ZNF609: variants seen among roughly 807,000 people sequenced by gnomAD.
ZNF609 encodes the protein zinc finger protein 609.
In ZNF609, 11 loss-of-function variants were observed where a neutral mutation model predicts 109.5. The ratio of observed to expected loss-of-function variants is 0.10; its 90% CI spans 0.06 to 0.17. The LOEUF is 0.17. ZNF609 is among the 10% of genes least tolerant of loss of function. ZNF609 has a pLI of 1.00. For missense variants in ZNF609, 1,559 were observed against 1,772.4 expected (o/e 0.88, Z 2.16); for synonymous variants, 646 against 662.0 (o/e 0.98, Z 0.37).
intron 3 of ZNF609, among the ~76,000 whole-genome samples, chr15:64,668,126 G>C (rs1896677068): frequency 6.6e-6 from 1 of 152,106 alleles, no homozygotes; most frequent in Non-Finnish European, 1.5e-5. Flanking sequence ...AGAGAAAGGG[G>C]AAAAAGTAAT....
intron 3 of ZNF609, among the ~76,000 whole-genome samples, chr15:64,651,664 G>A (rs1231931644): frequency 6.6e-6 from 1 of 152,180 alleles, no homozygotes; most frequent in Non-Finnish European, 1.5e-5. Flanking sequence ...GTATCAGAGG[G>A]CAAACACTGT....
At chr15:64,656,932 C>A (rs188038646) in intron 3 of ZNF609, among the ~76,000 whole-genome samples, 1 of 152,248 alleles carries the variant, frequency 6.6e-6, no homozygotes, top group East Asian at 1.9e-4. Flanking sequence ...TGTTTTGAAT[C>A]TTCAGTAGCA....
chr15:64,670,623 A>G (rs1896711564), intron 4 of ZNF609, among the ~76,000 whole-genome samples, 190 bp downstream of exon 4: 1 of 152,194 alleles, frequency 6.6e-6, no homozygotes, highest in South Asian at 2.1e-4. Context: ...TCACGCCTGT[A>G]ATCCCAGCAC....
intron 2 of ZNF609, among the ~76,000 whole-genome samples, chr15:64,522,039 T>G (rs966416960): frequency 1.3e-5 from 2 of 152,206 alleles, no homozygotes; most frequent in Admixed American, 1.3e-4. Context: ...CAAAAGCCTA[T>G]TATGTCAGAG....
chr15:64,542,643 A>G (rs1894284657), intron 2 of ZNF609, among the ~76,000 whole-genome samples: 1 of 152,214 alleles, frequency 6.6e-6, no homozygotes, highest in Non-Finnish European at 1.5e-5. Context: ...TAATGCACCA[A>G]CCACTCAAAT....
chr15:64,483,252 C>T lies in ZNF609; in HGVS notation c.-127-16041C>T, dbSNP rs560171756. 1.7e-4 allele frequency among the ~76,000 whole-genome samples: 26 copies of T among 152,242 alleles called. 1 individual carries two copies. The South Asian group carries it at 4.8e-3, about 28-fold the overall frequency. On this transcript the variant is annotated intron_variant, in intron 1 of 9. Transcript: ENST00000326648. ...CTGGAATTACAGGCATGTGCCACCA[C>T]GCTCAGCTAATTTTGTATTTTTAGT...
chr15:64,657,524 G>A (rs542750635), intron 3 of ZNF609, among the ~76,000 whole-genome samples: 3 of 152,220 alleles, frequency 2.0e-5, no homozygotes, highest in Admixed American at 2.0e-4. Context: ...TGAGGCAGGA[G>A]AATCACTTGA....
In ZNF609 at chr15:64,674,323, C is replaced by T. The variant is rs757800603; in HGVS notation, c.1469C>T (p.Pro490Leu). The change falls in exon 5 of 10, where the codon CCC (proline) becomes CTC (leucine). Residue 490 changes from proline (P) to leucine (L), a missense_variant. By Grantham distance (98) the Pro-to-Leu change is moderately conservative. Coordinates refer to ENST00000326648, the MANE Select transcript of ZNF609 (RefSeq NM_015042.2). Reference sequence around the variant, plus strand: ...CCCACTGTTCTGGACAGAAACTGCCCCTCCCCCGTCCTAATTGACTGTCCC... The same window carrying T: ...CCCACTGTTCTGGACAGAAACTGCCTCTCCCCCGTCCTAATTGACTGTCCC... ...VEPTVLDRNC[P>L]SPVLIDCPHP... 3 of 1,614,110 alleles carry T rather than the reference C, an allele frequency of 1.9e-6. No individual in the cohort carries two copies. Among genetic ancestry groups the T allele is most frequent in the Non-Finnish European group, 2.5e-6 (3 of 1,180,028 alleles).
rs191223640 is a variant in ZNF609, at chr15:64,531,642, C to G, written c.747+31476C>G. Among the ~76,000 whole-genome samples the G allele has an allele frequency of 1.2e-4, 19 of 152,146 alleles. No homozygotes were observed. In the East Asian group the frequency reaches 3.7e-3, roughly 29 times the overall value. On this transcript the variant is annotated intron_variant, in intron 2 of 9. Coordinates refer to ENST00000326648, the MANE Select transcript of ZNF609 (RefSeq NM_015042.2). ...TTGAACTCCTGAGCTCAAGAACTTC[C>G]CACCTCAGCCTCCCAAAGTGCTGGG...
intron 4 of ZNF609, among the ~76,000 whole-genome samples, chr15:64,673,258 T>C (rs1196893460): frequency 6.6e-6 from 1 of 150,482 alleles, no homozygotes; most frequent in Non-Finnish European, 1.5e-5. Flanking sequence ...AGCTGCCCCC[T>C]GGAACAAGAG....
chr15:64,606,294 G>T (rs974964940), intron 2 of ZNF609, among the ~76,000 whole-genome samples: 1 of 151,384 alleles, frequency 6.6e-6, no homozygotes, highest in Admixed American at 6.6e-5. Context: ...TCTGTAGGCC[G>T]GGCGCGGTGG....
At chr15:64,548,252 T>C (rs1399152236) in intron 2 of ZNF609, among the ~76,000 whole-genome samples, 11 of 152,182 alleles carry the variant, frequency 7.2e-5, no homozygotes, top group Non-Finnish European at 1.6e-4. Flanking sequence ...TAATTTCTCA[T>C]TTTACCATCT....
intron 3 of ZNF609, among the ~76,000 whole-genome samples, chr15:64,650,417 CA>C (rs34102315): frequency 0.077 from 9,526 of 124,134 alleles, 317 homozygotes; most frequent in South Asian, 0.15. Context: ...GCTCCATCTC[CA>C]AAAAAAAAAA....
At chr15:64,489,384 C>T (rs1313107747) in intron 1 of ZNF609, among the ~76,000 whole-genome samples, 3 of 150,594 alleles carry the variant, frequency 2.0e-5, no homozygotes, top group Non-Finnish European at 3.0e-5. Flanking sequence ...GTTTTACCAT[C>T]TTGGCCAGGC....
rs748409717 is a variant in ZNF609, at chr15:64,680,840, G to A, written c.4140G>A (p.Gln1380=). The change falls in exon 8 of 10, where the codon CAG becomes CAA. Residue 1380 remains glutamine (Q), a synonymous_variant. Transcript: ENST00000326648. ...TGGGGTACTCATTGCTCCCAGCACA[G>A]TACAACTTACCCTATGCAGCAGGTA... ...HHLGYSLLPA[Q]YNLPYAAGLS... 2 of 1,611,598 alleles carry A rather than the reference G, an allele frequency of 1.2e-6. No homozygotes were observed. The highest frequency in any genetic ancestry group is 4.5e-5 in the East Asian group (2 of 44,886).
intron 2 of ZNF609, among the ~76,000 whole-genome samples, chr15:64,596,749 G>C (rs1895404575): frequency 6.6e-6 from 1 of 152,212 alleles, no homozygotes; most frequent in East Asian, 1.9e-4. Context: ...CCATACATAA[G>C]AAGTACTCAA....
chr15:64,484,009 A>G (rs975027343), intron 1 of ZNF609, among the ~76,000 whole-genome samples: 15 of 148,392 alleles, frequency 1.0e-4, no homozygotes, highest in African/African-American at 3.5e-4. Flanking sequence ...TTAATCAAAT[A>G]TTAACAAGTT....
intron 3 of ZNF609, among the ~76,000 whole-genome samples, chr15:64,638,548 G>A (rs888934506): frequency 1.3e-5 from 2 of 151,950 alleles, no homozygotes; most frequent in South Asian, 2.1e-4. Context: ...GGAGAATTGG[G>A]GGGAGGGGGG....
intron 2 of ZNF609, among the ~76,000 whole-genome samples, chr15:64,580,590 G>A (rs984253931): frequency 8.3e-5 from 12 of 145,132 alleles, no homozygotes; most frequent in South Asian, 4.3e-4. Context: ...TCGTTCTGTC[G>A]CCTAGGCTGG....
Sources: allele counts gnomAD v4.1 joint callset (sites outside exome capture counted in the v4.1 genomes callset), GRCh38; gene constraint gnomAD v4.1.1; transcripts MANE v1.5; gene names NCBI Gene and HGNC (gene_info 2026-07-23, HGNC 2026-07-21).